Variants in MYT1L observed in about 807,000 individuals in gnomAD.
The protein encoded by MYT1L is myelin transcription factor 1-like protein.
MYT1L carries 12 observed loss-of-function variants against 126.7 expected under a neutral mutation model. The ratio of observed to expected loss-of-function variants is 0.09; its 90% CI spans 0.06 to 0.15. The LOEUF is 0.15. MYT1L is among the 10% of genes least tolerant of loss of function. The probability of loss-of-function intolerance (pLI) is 1.00; values close to 1 mark genes in which losing one functional copy is unlikely to be tolerated. For missense variants in MYT1L, 979 were observed against 1,585.2 expected (o/e 0.62, Z 6.49); for synonymous variants, 541 against 604.2 (o/e 0.90, Z 1.53).
intron 8 of MYT1L, among the ~76,000 whole-genome samples, chr2:1,961,641 C>T (rs1278614464): frequency 4.6e-5 from 7 of 152,240 alleles, no homozygotes; most frequent in Non-Finnish European, 8.8e-5. Context: ...TACACAAACT[C>T]TTTTAATAGC....
intron 3 of MYT1L, among the ~76,000 whole-genome samples, chr2:2,136,656 ATT>A (rs1361618039): frequency 1.3e-5 from 2 of 152,186 alleles, no homozygotes; most frequent in African/African-American, 4.8e-5. Flanking sequence ...AATCCATATT[ATT>A]CTTACTGTTT....
chr2:1,842,940 T>C (rs943293110), intron 19 of MYT1L: 2 of 175,152 alleles, frequency 1.1e-5, no homozygotes, highest in Admixed American at 6.5e-5. Flanking sequence ...CGCTTCCGCT[T>C]CCAGGCGCTT....
intron 10 of MYT1L, among the ~76,000 whole-genome samples, chr2:1,921,233 G>A (rs1340351514): frequency 6.6e-6 from 1 of 152,158 alleles, no homozygotes; most frequent in Admixed American, 6.5e-5. Flanking sequence ...AACATAGAGG[G>A]ATTTAATGAA....
chr2:2,158,761 C>T (rs2087223253), intron 3 of MYT1L, among the ~76,000 whole-genome samples: 1 of 151,706 alleles, frequency 6.6e-6, no homozygotes, highest in African/African-American at 2.4e-5. Context: ...TTAATATCAA[C>T]ATGGAGGATT....
intron 3 of MYT1L, among the ~76,000 whole-genome samples, chr2:2,099,899 A>C (rs1341779554): frequency 1.3e-5 from 2 of 152,232 alleles, no homozygotes. Context: ...CTTGCCAATT[A>C]TTAACATACA....
intron 3 of MYT1L, among the ~76,000 whole-genome samples, chr2:2,166,209 C>A (rs577900123): frequency 1.2e-3 from 184 of 152,220 alleles, no homozygotes; most frequent in African/African-American, 4.2e-3. Flanking sequence ...TCTCTCCCAC[C>A]GTTATAAACT....
chr2:2,254,430 G>T (rs2094750714), intron 2 of MYT1L, among the ~76,000 whole-genome samples: 1 of 152,122 alleles, frequency 6.6e-6, no homozygotes. Context: ...ACTGTGATGG[G>T]ACATTGATGT....
At chr2:2,079,057 G>A (rs1172342966) in intron 3 of MYT1L, among the ~76,000 whole-genome samples, 2 of 152,154 alleles carry the variant, frequency 1.3e-5, no homozygotes, top group African/African-American at 4.8e-5. Context: ...GAGGAAATGA[G>A]CCTTCACCAC....
At chr2:2,205,829 A>G (rs549829909) in intron 2 of MYT1L, among the ~76,000 whole-genome samples, 11 of 152,230 alleles carry the variant, frequency 7.2e-5, no homozygotes, top group African/African-American at 2.4e-4. Flanking sequence ...CAAAATCCTT[A>G]CGTGGTCAAC....
chr2:2,259,512 C>G (rs1219646733), intron 2 of MYT1L, among the ~76,000 whole-genome samples: 1 of 151,282 alleles, frequency 6.6e-6, no homozygotes, highest in Non-Finnish European at 1.5e-5. Context: ...CATTGTGTAT[C>G]TTAAATACAT....
At chr2:1,878,210 T>C (rs1417485340) in intron 18 of MYT1L, among the ~76,000 whole-genome samples, 1 of 152,202 alleles carries the variant, frequency 6.6e-6, no homozygotes, top group East Asian at 1.9e-4. Context: ...ACAGTGAGGT[T>C]TGCACTCATC....
intron 2 of MYT1L, among the ~76,000 whole-genome samples, chr2:2,218,924 G>A (rs181193566): frequency 1.6e-4 from 25 of 152,286 alleles, no homozygotes; most frequent in Admixed American, 1.1e-3. Context: ...GCTCTGAAAT[G>A]CCAAATAACT....
chr2:2,210,297 G>A (rs189242292), intron 2 of MYT1L, among the ~76,000 whole-genome samples: 1,900 of 152,128 alleles, frequency 0.012, 27 homozygotes, highest in Non-Finnish European at 0.019. Context: ...GTGCTTATGG[G>A]GTATTACTCA....
intron 3 of MYT1L, among the ~76,000 whole-genome samples, chr2:2,091,373 C>CT (rs1000750297): frequency 1.2e-4 from 18 of 152,152 alleles, no homozygotes; most frequent in South Asian, 2.1e-4. Context: ...TGAAAGAAAT[C>CT]TTTTTTTTCT....
chr2:1,819,969 T>G (rs1233359379), intron 21 of MYT1L, among the ~76,000 whole-genome samples: 2 of 151,730 alleles, frequency 1.3e-5, no homozygotes, highest in Admixed American at 6.6e-5. Flanking sequence ...CACAGTAGAG[T>G]TTGCTTGGTA....
chr2:2,253,422 C>T (rs1355582337), intron 2 of MYT1L, among the ~76,000 whole-genome samples: 7 of 152,328 alleles, frequency 4.6e-5, no homozygotes, highest in South Asian at 2.1e-4. Flanking sequence ...CATTGCTCAG[C>T]GGGAAATCTC....
At chr2:1,835,124 G>T (rs1372404425) in intron 21 of MYT1L, among the ~76,000 whole-genome samples, 2 of 152,058 alleles carry the variant, frequency 1.3e-5, no homozygotes, top group Admixed American at 6.5e-5. Flanking sequence ...CATGGGGATG[G>T]ATACAGGTAC....
chr2:1,818,872 T>C (rs1049767228), intron 21 of MYT1L, among the ~76,000 whole-genome samples: 2 of 152,118 alleles, frequency 1.3e-5, no homozygotes, highest in Admixed American at 1.3e-4. Context: ...TCTCAAACCA[T>C]GGAGAGAGGG....
intron 3 of MYT1L, among the ~76,000 whole-genome samples, chr2:2,139,101 T>C (rs2148136335): frequency 6.6e-6 from 1 of 151,964 alleles, no homozygotes; most frequent in East Asian, 2.0e-4. Context: ...GAGACCAGCA[T>C]CTGGTCTACC....
Sources: gnomAD v4.1 joint callset for allele counts (sites outside exome capture counted in the v4.1 genomes callset) on GRCh38, gnomAD v4.1.1 for gene constraint, MANE v1.5 for transcripts, NCBI Gene and HGNC (gene_info 2026-07-23, HGNC 2026-07-21) for gene names.